Variants in MIPOL1 observed in about 807,000 individuals in gnomAD.
MIPOL1 encodes mirror-image polydactyly gene 1 protein.
Under a neutral mutation model 60.9 loss-of-function variants are expected in MIPOL1, and 57 were observed. The ratio of observed to expected loss-of-function variants is 0.94; its 90% confidence interval spans 0.76 to 1.17. The LOEUF (loss-of-function observed/expected upper bound fraction) is 1.17. Ranked by LOEUF, MIPOL1 falls within the 50% of genes most tolerant of loss-of-function variation. The pLI is 0.00. For synonymous variants in MIPOL1, 179 were observed against 168.8 expected, an observed-to-expected ratio of 1.06 and a Z score of -0.47; for missense variants, 551 against 511.6, an observed-to-expected ratio of 1.08 and a Z score of -0.74.
chr14:37,228,822 T>A (rs1288238274), intron 1 of MIPOL1, among the ~76,000 whole-genome samples: 1 of 152,178 alleles, frequency 6.6e-6, no homozygotes, highest in Non-Finnish European at 1.5e-5. Flanking sequence ...CCAGGCACAG[T>A]GGCTCATACT....
chr14:37,433,068 T>A (rs187467281), intron 11 of MIPOL1, among the ~76,000 whole-genome samples: 7 of 152,214 alleles, frequency 4.6e-5, no homozygotes. Context: ...TTTTTAAAAT[T>A]TTTTATTTTT....
intron 11 of MIPOL1, among the ~76,000 whole-genome samples, chr14:37,466,127 C>T (rs2094595742): frequency 6.6e-6 from 1 of 152,144 alleles, no homozygotes; most frequent in Non-Finnish European, 1.5e-5. Flanking sequence ...AATTTTATAA[C>T]ATTTCCTTAT....
chr14:37,402,141 A>T (rs1341048562), intron 10 of MIPOL1, among the ~76,000 whole-genome samples: 2 of 152,122 alleles, frequency 1.3e-5, no homozygotes, highest in Admixed American at 6.6e-5. Flanking sequence ...AAAGCTAAAT[A>T]TCTTTCTGTG....
At position 37,447,612 on chromosome 14, in the gene MIPOL1, G is replaced by A. The variant is rs368430690; in HGVS notation, c.1031+24663G>A. The stretch of plus-strand genomic sequence containing the variant: ...GATATTTCTTTATATCATTGCATTT[G>A]TATGTATTATAAGCTGTAAGAATAA... On this transcript the variant is annotated intron_variant, in intron 11 of 12. Transcript: ENST00000684589. Among the ~76,000 whole-genome samples, 5 of 152,106 alleles carry A rather than the reference G, an allele frequency of 3.3e-5. No individual in the cohort carries two copies. In the East Asian group the frequency reaches 7.7e-4, roughly 23 times the overall value.
In MIPOL1 at chr14:37,550,510, A is replaced by G. The variant is rs2095559233; in HGVS notation, c.*3539A>G. On this transcript the variant is annotated 3_prime_UTR_variant, in exon 13 of 13. Transcript: ENST00000684589. ...TCATATTTTACATATATATATATAT[A>G]TATACATGCACACACACCGATACAT... 1 of 148,390 alleles carries G rather than the reference A, an allele frequency of 6.7e-6. No individual in the cohort carries two copies. Among genetic ancestry groups the G allele is most frequent in the African/African-American group, 2.5e-5 (1 of 40,542 alleles). The allele number at this position is 148,390 out of a possible 1,614,324, so 9.2% of individuals were successfully genotyped here. A position where few individuals can be genotyped will look rare whatever the true frequency, so the allele number is the denominator to read the frequency against.
At chr14:37,319,895 CATATGTT>C (rs2088373118) in intron 9 of MIPOL1, among the ~76,000 whole-genome samples, 1 of 152,042 alleles carries the variant, frequency 6.6e-6, no homozygotes, top group Non-Finnish European at 1.5e-5. Context: ...TAAAAGGAGT[CATATGTT>C]ATATACTCCT....
intron 11 of MIPOL1, among the ~76,000 whole-genome samples, chr14:37,436,853 G>A (rs989128703): frequency 9.9e-5 from 15 of 152,164 alleles, no homozygotes; most frequent in Non-Finnish European, 1.0e-4. Flanking sequence ...TATATGTGAG[G>A]TAGCTAGAGT....
chr14:37,283,052 T>G (rs1239054284), intron 6 of MIPOL1, among the ~76,000 whole-genome samples: 1 of 126,178 alleles, frequency 7.9e-6, no homozygotes, highest in Non-Finnish European at 1.7e-5. Flanking sequence ...TTGTTTTTGA[T>G]GTTGCTGTTT....
intron 12 of MIPOL1, among the ~76,000 whole-genome samples, chr14:37,530,127 G>A (rs1017516637): frequency 6.6e-6 from 1 of 152,098 alleles, no homozygotes; most frequent in Non-Finnish European, 1.5e-5. Flanking sequence ...GTGAGAATGG[G>A]AGGAAGAAAT....
intron 9 of MIPOL1, among the ~76,000 whole-genome samples, chr14:37,322,366 G>A (rs2088669479): frequency 6.6e-6 from 1 of 151,754 alleles, no homozygotes; most frequent in Non-Finnish European, 1.5e-5. Flanking sequence ...ACCTCTCAAC[G>A]GCAATCACTG....
intron 9 of MIPOL1, among the ~76,000 whole-genome samples, chr14:37,349,986 A>T (rs2091236205): frequency 6.6e-6 from 1 of 152,140 alleles, no homozygotes; most frequent in Non-Finnish European, 1.5e-5. Flanking sequence ...TTTTTTTTTA[A>T]ATCTGAATTA....
chr14:37,370,770 A>G (rs566255948), intron 10 of MIPOL1, among the ~76,000 whole-genome samples: 61 of 152,318 alleles, frequency 4.0e-4, no homozygotes, highest in African/African-American at 1.4e-3. Flanking sequence ...TACATGAGAA[A>G]GGAACAAATT....
In MIPOL1 at chr14:37,300,033, T is replaced by C. The variant is rs2086231568; in HGVS notation, c.624-8023T>C. Among the ~76,000 whole-genome samples, 4 of 152,000 alleles carry C rather than the reference T, an allele frequency of 2.6e-5. 1 individual carries two copies. In the South Asian group the frequency reaches 8.3e-4, roughly 32 times the overall value. On this transcript the variant is annotated intron_variant, in intron 7 of 12. Coordinates refer to ENST00000684589, the MANE Select transcript of MIPOL1 (RefSeq NM_001388067.1). Reference sequence around the variant, plus strand: ...GATTTTAGGATGAAGACTGTAGAAGTGAGTGCCATTTTCCTTATGTCATTT... The same window carrying C: ...GATTTTAGGATGAAGACTGTAGAAGCGAGTGCCATTTTCCTTATGTCATTT...
intron 3 of MIPOL1, among the ~76,000 whole-genome samples, chr14:37,248,975 A>T (rs918471639): frequency 2.0e-3 from 304 of 149,520 alleles, no homozygotes; most frequent in Middle Eastern, 6.9e-3. Context: ...AACAAATGGA[A>T]GGATGGATGG....
At chr14:37,366,318 T>A (rs938024133) in intron 9 of MIPOL1, among the ~76,000 whole-genome samples, 7 of 152,028 alleles carry the variant, frequency 4.6e-5, no homozygotes, top group Non-Finnish European at 8.8e-5. Context: ...TTAGTACTAC[T>A]TTTGCTGTAT....
In MIPOL1 at chr14:37,406,963, C is replaced by T. The variant is rs1205569299; in HGVS notation, c.937-15892C>T. On this transcript the variant is annotated intron_variant, in intron 10 of 12. Coordinates refer to ENST00000684589, the MANE Select transcript of MIPOL1 (RefSeq NM_001388067.1). ...GGGCATCTAACTAGCAACAGATTTA[C>T]GATTTTAGTATCTTTTGAATTAGGG... Among the ~76,000 whole-genome samples the T allele has an allele frequency of 5.9e-5, 9 of 152,088 alleles. No homozygotes were observed. In the East Asian group the frequency reaches 1.4e-3, roughly 23 times the overall value.
chr14:37,384,253 G>A (rs2093005877), intron 10 of MIPOL1, among the ~76,000 whole-genome samples: 1 of 151,736 alleles, frequency 6.6e-6, no homozygotes, highest in Non-Finnish European at 1.5e-5. Context: ...GAAAAAGATG[G>A]CAAAACTTTA....
At chr14:37,395,818 G>T (rs144669205) in intron 10 of MIPOL1, among the ~76,000 whole-genome samples, 5 of 152,228 alleles carry the variant, frequency 3.3e-5, no homozygotes, top group African/African-American at 1.2e-4. Context: ...GTGAGAATGG[G>T]CTATAAGAAT....
At chr14:37,360,709 T>G (rs1451751994) in intron 9 of MIPOL1, among the ~76,000 whole-genome samples, 1 of 152,186 alleles carries the variant, frequency 6.6e-6, no homozygotes, top group African/African-American at 2.4e-5. Flanking sequence ...CTTCCCTCTT[T>G]TGTTCTTTAT....
Sources: gnomAD v4.1 joint callset for allele counts (sites outside exome capture counted in the v4.1 genomes callset) on GRCh38, gnomAD v4.1.1 for gene constraint, MANE v1.5 for transcripts, NCBI Gene and HGNC (gene_info 2026-07-23, HGNC 2026-07-21) for gene names.